The following CDH18 variants were observed in gnomAD, a reference collection of about 807,000 sequenced individuals.
CDH18 encodes the protein cadherin 18.
CDH18 carries 31 observed loss-of-function variants against 67.9 expected under a neutral mutation model. That is an observed-to-expected ratio of 0.46 (90% CI 0.34 to 0.62). The LOEUF (loss-of-function observed/expected upper bound fraction) is 0.62, where lower values mean the gene tolerates loss of function less well. Ranked by LOEUF, CDH18 falls within the 20% of genes least tolerant of loss-of-function variation. The pLI is 0.01. For synonymous variants in CDH18, 362 were observed against 347.2 expected (o/e 1.04, Z -0.48); for missense variants, 890 against 975.5 (o/e 0.91, Z 1.17).
chr5:19,943,015 C>T (rs896945921), intron 2 of CDH18, among the ~76,000 whole-genome samples: 1 of 152,090 alleles, frequency 6.6e-6, no homozygotes, highest in Non-Finnish European at 1.5e-5. Context: ...AGCATGATGC[C>T]TCTTTGAGCT....
At chr5:20,130,577 A>C (rs1749189125) in intron 2 of CDH18, among the ~76,000 whole-genome samples, 1 of 152,026 alleles carries the variant, frequency 6.6e-6, no homozygotes, top group African/African-American at 2.4e-5. Context: ...AAGTTGACCC[A>C]TAAAATTAGC....
At chr5:19,642,299 G>A (rs900609286) in intron 5 of CDH18, among the ~76,000 whole-genome samples, 11 of 151,714 alleles carry the variant, frequency 7.3e-5, no homozygotes, top group Admixed American at 7.2e-4. Context: ...AAATCCCAAT[G>A]ACTTTCTTTA....
intron 2 of CDH18, among the ~76,000 whole-genome samples, chr5:20,182,956 C>T (rs1737811734): frequency 6.6e-6 from 1 of 151,920 alleles, no homozygotes; most frequent in Admixed American, 6.6e-5. Flanking sequence ...GATAGTTTAA[C>T]CTGAAGGGTA....
chr5:20,053,628 AAGC>A (rs1580131775), intron 2 of CDH18, among the ~76,000 whole-genome samples: 2 of 152,094 alleles, frequency 1.3e-5, no homozygotes, highest in African/African-American at 4.8e-5. Context: ...ATATACACAG[AAGC>A]TGACCACTTG....
chr5:20,454,881 G>T (rs79513120), intron 1 of CDH18, among the ~76,000 whole-genome samples: 3,961 of 152,122 alleles, frequency 0.026, 89 homozygotes, highest in Non-Finnish European at 0.043. Flanking sequence ...ACTACATTTT[G>T]TCTAGGAAAG....
intron 1 of CDH18, among the ~76,000 whole-genome samples, chr5:20,444,998 T>G (rs2150197162): frequency 6.6e-6 from 1 of 152,280 alleles, no homozygotes; most frequent in South Asian, 2.1e-4. Flanking sequence ...GCCACAAATT[T>G]TAAGCTTTGT....
chr5:19,693,156 T>C (rs1762116977), intron 5 of CDH18, among the ~76,000 whole-genome samples: 1 of 151,778 alleles, frequency 6.6e-6, no homozygotes, highest in African/African-American at 2.4e-5. Context: ...GAAATACACA[T>C]ATTGCACGTG....
At chr5:19,592,093 C>CA (rs554000585) in intron 6 of CDH18, among the ~76,000 whole-genome samples, 313 of 151,944 alleles carry the variant, frequency 2.1e-3, no homozygotes, top group South Asian at 7.5e-3. Context: ...AATTTTAAAT[C>CA]AATATACAAT....
chr5:19,550,825 T>C (rs1737302025), intron 8 of CDH18, among the ~76,000 whole-genome samples: 1 of 152,184 alleles, frequency 6.6e-6, no homozygotes, highest in Non-Finnish European at 1.5e-5. Flanking sequence ...TCTAGATCCC[T>C]GAGGAATCGC....
chr5:19,638,126 T>C (rs1426917228), intron 5 of CDH18, among the ~76,000 whole-genome samples: 1 of 152,210 alleles, frequency 6.6e-6, no homozygotes, highest in South Asian at 2.1e-4. Context: ...TTCATATTAA[T>C]ACATAACAAG....
intron 2 of CDH18, among the ~76,000 whole-genome samples, chr5:20,143,006 T>C (rs1240327628): frequency 1.3e-5 from 2 of 152,146 alleles, no homozygotes; most frequent in Non-Finnish European, 2.9e-5. Context: ...GATTGGATAA[T>C]GAGTAGAAGC....
intron 1 of CDH18, among the ~76,000 whole-genome samples, chr5:20,437,289 T>G (rs1383652913): frequency 6.6e-6 from 1 of 151,314 alleles, no homozygotes; most frequent in African/African-American, 2.4e-5. Flanking sequence ...CTAAGAACCA[T>G]TAATTCTTAA....
At chr5:20,552,848 C>T (rs12514876) in intron 1 of CDH18, among the ~76,000 whole-genome samples, 26,748 of 151,322 alleles carry the variant, frequency 0.18, 2,892 homozygotes, top group East Asian at 0.4. Flanking sequence ...CTCTGCCTCG[C>T]GGTTCAAGCA....
chr5:19,490,722 A>C (rs1741329455), intron 11 of CDH18, among the ~76,000 whole-genome samples: 1 of 151,854 alleles, frequency 6.6e-6, no homozygotes, highest in Admixed American at 6.6e-5. Context: ...CAAAATTAGC[A>C]ATGTTTTTGT....
chr5:20,348,899 CTT>C (rs1323260524), intron 1 of CDH18, among the ~76,000 whole-genome samples: 1 of 152,026 alleles, frequency 6.6e-6, no homozygotes, highest in Admixed American at 6.6e-5. Flanking sequence ...AAAACATTTA[CTT>C]TTTTTGATAT....
intron 10 of CDH18, among the ~76,000 whole-genome samples, chr5:19,519,616 A>G (rs1007291935): frequency 6.6e-6 from 1 of 152,176 alleles, no homozygotes; most frequent in Non-Finnish European, 1.5e-5. Context: ...TGAAAACAGA[A>G]TATGGCAAAT....
At chr5:20,423,671 C>T (rs1016410304) in intron 1 of CDH18, among the ~76,000 whole-genome samples, 4 of 150,742 alleles carry the variant, frequency 2.7e-5, no homozygotes, top group Non-Finnish European at 4.4e-5. Flanking sequence ...AGAGGCCGGG[C>T]GCGGTGGCTC....
chr5:20,114,464 C>G (rs1747728255), intron 2 of CDH18, among the ~76,000 whole-genome samples: 1 of 151,822 alleles, frequency 6.6e-6, no homozygotes. Flanking sequence ...CAGAGAAAGG[C>G]CAAGTGAAAG....
chr5:20,291,756 T>C (rs1237462911), intron 1 of CDH18, among the ~76,000 whole-genome samples: 3 of 152,294 alleles, frequency 2.0e-5, no homozygotes, highest in South Asian at 2.1e-4. Context: ...GGAAAGGTTA[T>C]ATAATTAAAG....
Sources: allele counts gnomAD v4.1 joint callset (sites outside exome capture counted in the v4.1 genomes callset), GRCh38; gene constraint gnomAD v4.1.1; transcripts MANE v1.5; gene names NCBI Gene and HGNC (gene_info 2026-07-23, HGNC 2026-07-21).